Variants in LRRTM4 observed in about 807,000 individuals in gnomAD.
The protein encoded by LRRTM4 is leucine-rich repeat transmembrane neuronal protein 4.
LRRTM4 carries 25 observed loss-of-function variants against 47.6 expected under a neutral mutation model. The ratio of observed to expected loss-of-function variants is 0.53; its 90% confidence interval spans 0.38 to 0.73. The LOEUF (loss-of-function observed/expected upper bound fraction) is 0.73. Ranked by LOEUF, LRRTM4 falls within the 30% of genes least tolerant of loss-of-function variation. LRRTM4 has a pLI of 0.00. For missense variants in LRRTM4, 638 were observed against 713.4 expected (o/e 0.89, Z 1.20); for synonymous variants, 311 against 269.5 (o/e 1.15, Z -1.51).
intron 3 of LRRTM4, among the ~76,000 whole-genome samples, chr2:76,777,023 C>T (rs1193777046): frequency 1.2e-4 from 16 of 133,438 alleles, no homozygotes; most frequent in African/African-American, 4.5e-4. Context: ...GGAATCCTTT[C>T]CCCATTGCTT....
At chr2:76,911,591 T>C (rs1247480873) in intron 3 of LRRTM4, among the ~76,000 whole-genome samples, 1 of 151,950 alleles carries the variant, frequency 6.6e-6, no homozygotes, top group African/African-American at 2.4e-5. Flanking sequence ...GACTCTGATA[T>C]GCTCATTCTA....
chr2:76,829,125 C>A (rs1023047272), intron 3 of LRRTM4, among the ~76,000 whole-genome samples: 1 of 151,934 alleles, frequency 6.6e-6, no homozygotes. Context: ...GCATTTTCTG[C>A]TCAAATGTTC....
chr2:77,432,704 A>T (rs142469977), intron 3 of LRRTM4, among the ~76,000 whole-genome samples: 2 of 152,204 alleles, frequency 1.3e-5, no homozygotes, highest in Non-Finnish European at 2.9e-5. Context: ...TTACAGACAC[A>T]TATGCATGTA....
intron 3 of LRRTM4, among the ~76,000 whole-genome samples, chr2:76,868,727 C>G (rs776956234): frequency 1.3e-5 from 2 of 152,088 alleles, no homozygotes; most frequent in Non-Finnish European, 2.9e-5. Context: ...AGCCTGGTCC[C>G]TTAAATAAAG....
At chr2:77,266,732 G>C (rs914112128) in intron 3 of LRRTM4, among the ~76,000 whole-genome samples, 2 of 152,068 alleles carry the variant, frequency 1.3e-5, no homozygotes, top group African/African-American at 4.8e-5. Context: ...CAGGAGGACA[G>C]TTCTGCAAAT....
chr2:76,881,457 CTTGCTAAAGACT>C (rs1672926528), intron 3 of LRRTM4, among the ~76,000 whole-genome samples: 3 of 144,606 alleles, frequency 2.1e-5, no homozygotes, highest in African/African-American at 7.6e-5. Context: ...AGTTGAGAGG[CTTGCTAAAGACT>C]TTTTTTTTTT....
chr2:77,378,293 T>G (rs931738054), intron 3 of LRRTM4, among the ~76,000 whole-genome samples: 1 of 152,080 alleles, frequency 6.6e-6, no homozygotes, highest in African/African-American at 2.4e-5. Context: ...ATCAATTTGT[T>G]TCTAGTTTGG....
chr2:77,276,894 TCAGGAAAAGAGGGCAAATTTCGAGGC>T (rs1335192554), intron 3 of LRRTM4, among the ~76,000 whole-genome samples: 6 of 151,142 alleles, frequency 4.0e-5, no homozygotes, highest in Non-Finnish European at 8.9e-5. Flanking sequence ...GGGGAAATAA[TCAGGAAAAGAGGGCAAATTTCGAGGC>T]CAGGAAAAGA....
In LRRTM4 at chr2:77,519,590, G is replaced by A. The variant is rs185415691; in HGVS notation, c.279C>T (p.Asp93=). ...GLNQLIWLYL[D]HNYISSVDED... ...CATCCACTGAGCTAATGTAATTATGGTCAAGATAAAGCCATATAAGCTGGT... is the reference window on the plus strand; with the variant it reads ...CATCCACTGAGCTAATGTAATTATGATCAAGATAAAGCCATATAAGCTGGT... Residue 93 remains aspartate (D), a synonymous_variant, in exon 3 of 4, where the codon GAC becomes GAT. Transcript: ENST00000409884. This position sits in a 1 kb window ranked among gnomAD's most constrained non-coding sequence, Gnocchi z 4.6. The A allele has an allele frequency of 6.6e-5, 107 of 1,613,386 alleles. No individual in the cohort carries two copies. Among genetic ancestry groups the A allele is most frequent in the Non-Finnish European group, 2.2e-5 (26 of 1,179,628 alleles).
intron 3 of LRRTM4, among the ~76,000 whole-genome samples, chr2:76,982,754 A>T (rs1223979258): frequency 1.3e-5 from 2 of 152,086 alleles, no homozygotes; most frequent in African/African-American, 4.8e-5. Context: ...GATAATTAAT[A>T]AAAGCCGATG....
intron 3 of LRRTM4, among the ~76,000 whole-genome samples, chr2:77,097,116 G>A (rs1300136249): frequency 6.6e-6 from 1 of 151,698 alleles, no homozygotes; most frequent in Admixed American, 6.6e-5. Flanking sequence ...ATTTACCCCA[G>A]GGTTAATAAT....
intron 3 of LRRTM4, among the ~76,000 whole-genome samples, chr2:77,298,433 T>C (rs941054026): frequency 1.3e-5 from 2 of 152,050 alleles, no homozygotes; most frequent in African/African-American, 4.8e-5. Flanking sequence ...AGACGGGGTG[T>C]TCACCGTGTT....
intron 3 of LRRTM4, among the ~76,000 whole-genome samples, chr2:76,754,184 CTTA>C (rs1398483363): frequency 6.6e-6 from 1 of 152,062 alleles, no homozygotes; most frequent in African/African-American, 2.4e-5. Context: ...AGACACTTCA[CTTA>C]TTGAAAGTAA....
intron 3 of LRRTM4, among the ~76,000 whole-genome samples, chr2:77,049,070 T>C (rs1299067977): frequency 6.8e-6 from 1 of 147,392 alleles, no homozygotes; most frequent in Non-Finnish European, 1.5e-5. Flanking sequence ...AGCTCATCCG[T>C]GTTGCTGTGA....
At chr2:77,284,847 G>A (rs574207979) in intron 3 of LRRTM4, among the ~76,000 whole-genome samples, 2 of 152,108 alleles carry the variant, frequency 1.3e-5, no homozygotes, top group African/African-American at 4.8e-5. Flanking sequence ...CTTGAAGTCT[G>A]CTTATCTACT....
chr2:77,137,752 T>C (rs530995900), intron 3 of LRRTM4, among the ~76,000 whole-genome samples: 4 of 152,160 alleles, frequency 2.6e-5, no homozygotes, highest in East Asian at 1.9e-4. Flanking sequence ...GGGACACACA[T>C]AGGCTCAAAA....
chr2:77,419,338 G>A (rs1294742738), intron 3 of LRRTM4, among the ~76,000 whole-genome samples: 2 of 152,002 alleles, frequency 1.3e-5, no homozygotes, highest in Admixed American at 6.6e-5. Context: ...TTTGTCCCTC[G>A]GTATCTATGG....
chr2:77,135,568 A>G (rs1316946931), intron 3 of LRRTM4, among the ~76,000 whole-genome samples: 1 of 152,166 alleles, frequency 6.6e-6, no homozygotes, highest in Non-Finnish European at 1.5e-5. Flanking sequence ...TAAATGCAAT[A>G]TTTACTTATT....
At chr2:77,336,444 A>G (rs773725355) in intron 3 of LRRTM4, among the ~76,000 whole-genome samples, 9 of 152,114 alleles carry the variant, frequency 5.9e-5, no homozygotes, top group Non-Finnish European at 1.2e-4. Flanking sequence ...AACACCCCAG[A>G]TGAACATAGA....
Sources: gnomAD v4.1 joint callset for allele counts (sites outside exome capture counted in the v4.1 genomes callset) on GRCh38, gnomAD v4.1.1 for gene constraint, Gnocchi (gnomAD v3.1) non-coding constraint, MANE v1.5 for transcripts, NCBI Gene and HGNC (gene_info 2026-07-23, HGNC 2026-07-21) for gene names.